The following PLA2G2C variants were observed in gnomAD, a reference collection of about 807,000 sequenced individuals.
PLA2G2C encodes phospholipase A2 group IIC, also known as putative inactive group IIC secretory phospholipase A2.
PLA2G2C carries 15 observed loss-of-function variants against 14.3 expected under a neutral mutation model. That is an observed-to-expected ratio of 1.05 (90% CI 0.70 to 1.62). The LOEUF is 1.62. Ranked by LOEUF, PLA2G2C falls within the 40% of genes most tolerant of loss-of-function variation. PLA2G2C has a pLI of 0.00. For missense variants in PLA2G2C, 162 were observed against 173.2 expected, an observed-to-expected ratio of 0.94 and a Z score of 0.36; for synonymous variants, 79 against 67.7, an observed-to-expected ratio of 1.17 and a Z score of -0.82.
rs184814802 is a variant in PLA2G2C at position 20,183,239 on chromosome 1, C to A, written c.-77+3121G>T. 4.6e-5 allele frequency among the ~76,000 whole-genome samples: 7 copies of A among 152,316 alleles called. No individual in the cohort carries two copies. The East Asian group carries it at 1.3e-3, about 29-fold the overall frequency. On this transcript the variant is annotated intron_variant, in intron 1 of 4. Transcript: ENST00000679259. The stretch of plus-strand genomic sequence containing the variant: ...ATTCTAGAGATGCGGAAACTGACAT[C>A]CAGCGAAGGTAAATCATTTACCTAA...
At chr1:20,164,752 A>G (rs1569920946) in intron 4 of PLA2G2C, among the ~76,000 whole-genome samples, 1 of 152,204 alleles carries the variant, frequency 6.6e-6, no homozygotes, top group Non-Finnish European at 1.5e-5. Flanking sequence ...TGATTCACCC[A>G]CATTCTCAGG....
intron 2 of PLA2G2C, 95 bp from the exon 3 acceptor site, chr1:20,175,240 C>A: frequency 6.4e-7 from 1 of 1,562,464 alleles, no homozygotes; most frequent in South Asian, 1.2e-5. Context: ...GCTGAGCATT[C>A]GAAATATCAC....
chr1:20,167,978 T>C (rs1477153702), intron 4 of PLA2G2C, among the ~76,000 whole-genome samples: 1 of 152,260 alleles, frequency 6.6e-6, no homozygotes, highest in Non-Finnish European at 1.5e-5. Flanking sequence ...CTGTGGTCTC[T>C]TGTTCTTTTT....
At chr1:20,164,830 G>A (rs1305601710) in intron 4 of PLA2G2C, among the ~76,000 whole-genome samples, 4 of 152,346 alleles carry the variant, frequency 2.6e-5, no homozygotes, top group African/African-American at 7.2e-5. Context: ...AGCGGGTCCC[G>A]CTAATCTTCT....
chr1:20,173,896 G>A (rs570188241), intron 3 of PLA2G2C, among the ~76,000 whole-genome samples: 36 of 152,294 alleles, frequency 2.4e-4, no homozygotes, highest in African/African-American at 8.4e-4. Flanking sequence ...ACTTTGACAG[G>A]GGAGGCACAG....
intron 2 of PLA2G2C, among the ~76,000 whole-genome samples, chr1:20,176,877 G>A (rs777264760): frequency 2.0e-5 from 3 of 152,090 alleles, no homozygotes; most frequent in Non-Finnish European, 2.9e-5. Context: ...CGGATCTCCC[G>A]GCAGCAATGA....
At chr1:20,183,837 C>G (rs1180527628) in intron 1 of PLA2G2C, among the ~76,000 whole-genome samples, 1 of 152,182 alleles carries the variant, frequency 6.6e-6, no homozygotes, top group Non-Finnish European at 1.5e-5. Context: ...AGGGAGAGAG[C>G]TGGAGAGTAG....
chr1:20,181,741 G>A (rs965253682), intron 1 of PLA2G2C, among the ~76,000 whole-genome samples: 2 of 152,218 alleles, frequency 1.3e-5, no homozygotes, highest in Admixed American at 1.3e-4. Flanking sequence ...TGATTAAAGC[G>A]ATAATCAACG....
rs558174562 is a variant in PLA2G2C at position 20,174,888 on chromosome 1, T to C, written c.179+119A>G. 5 of 1,062,902 alleles carry C rather than the reference T, an allele frequency of 4.7e-6. No individual in the cohort carries two copies. In the South Asian group the frequency reaches 8.6e-5, roughly 18 times the overall value. 65.8% of individuals were successfully genotyped at this position (1,062,902 alleles called of 1,614,324 possible). ...AAATCCCGTTCAGTTCTTCCTTCCA[T>C]TAGCCTGAGTTGTTTTCTGTTATTT... On this transcript the variant is annotated intron_variant, in intron 3 of 4. Coordinates refer to ENST00000679259, the MANE Select transcript of PLA2G2C (RefSeq NM_001367969.2).
chr1:20,184,730 A>G (rs1316005597), intron 1 of PLA2G2C: 3 of 152,392 alleles, frequency 2.0e-5, no homozygotes, highest in Non-Finnish European at 2.9e-5. Context: ...GGAAGTTTCC[A>G]TATGATGGCT....
intron 2 of PLA2G2C, among the ~76,000 whole-genome samples, chr1:20,176,051 AG>A (rs2018177831): frequency 6.6e-6 from 1 of 151,880 alleles, no homozygotes; most frequent in Non-Finnish European, 1.5e-5. Context: ...CTGGGATTAC[AG>A]GTGCCCACTG....
intron 1 of PLA2G2C, among the ~76,000 whole-genome samples, chr1:20,181,081 C>T (rs190564353): frequency 5.3e-5 from 8 of 152,336 alleles, no homozygotes; most frequent in Non-Finnish European, 8.8e-5. Context: ...GTATATATCA[C>T]ACTTATGCCT....
chr1:20,179,864 C>T (rs1471582099), intron 1 of PLA2G2C, among the ~76,000 whole-genome samples: 1 of 150,860 alleles, frequency 6.6e-6, no homozygotes, highest in Non-Finnish European at 1.5e-5. Context: ...TGTGTGTCAG[C>T]TTCTGCTATG....
chr1:20,185,330 G>C (rs1038918838), intron 1 of PLA2G2C, among the ~76,000 whole-genome samples: 1 of 152,162 alleles, frequency 6.6e-6, no homozygotes, highest in Admixed American at 6.5e-5. Context: ...TTCATCAGAT[G>C]GAAGGAGAGT....
At chr1:20,181,872 A>G (rs1213718414) in intron 1 of PLA2G2C, among the ~76,000 whole-genome samples, 1 of 152,124 alleles carries the variant, frequency 6.6e-6, no homozygotes, top group Non-Finnish European at 1.5e-5. Flanking sequence ...TGTGCAAGAG[A>G]CTGCAAGGGT....
chr1:20,179,735 AGT>A (rs3035013), intron 1 of PLA2G2C, among the ~76,000 whole-genome samples: 43,720 of 110,966 alleles, frequency 0.39, 6,899 homozygotes, highest in Admixed American at 0.41. Flanking sequence ...CCTCTATGTC[AGT>A]GTGTGTGTGT....
At chr1:20,171,041 GGCCAGCCCTGGCGAGTGCA>G (rs1456006605) in intron 4 of PLA2G2C, among the ~76,000 whole-genome samples, 2 of 141,546 alleles carry the variant, frequency 1.4e-5, no homozygotes, top group African/African-American at 2.7e-5. Flanking sequence ...AGAGAGCCTA[GGCCAGCCCTGGCGAGTGCA>G]GCCAGCCCAC....
chr1:20,167,654 CTT>C (rs2100712992), intron 4 of PLA2G2C, among the ~76,000 whole-genome samples: 1 of 152,320 alleles, frequency 6.6e-6, no homozygotes, highest in South Asian at 2.1e-4. Flanking sequence ...CCAGAGTGAT[CTT>C]TCTGGGGCAA....
At chr1:20,166,567 G>A (rs938214858) in intron 4 of PLA2G2C, among the ~76,000 whole-genome samples, 1 of 152,174 alleles carries the variant, frequency 6.6e-6, no homozygotes, top group Non-Finnish European at 1.5e-5. Context: ...TCCAGTTGCT[G>A]TCGCCCTGGA....
Sources: gnomAD v4.1 joint callset for allele counts (sites outside exome capture counted in the v4.1 genomes callset) on GRCh38, gnomAD v4.1.1 for gene constraint, MANE v1.5 for transcripts, NCBI Gene and HGNC (gene_info 2026-07-23, HGNC 2026-07-21) for gene names.